The following FBN2 variants were observed in gnomAD, a reference collection of about 807,000 sequenced individuals.
The protein encoded by FBN2 is fibrillin-2.
FBN2 carries 105 observed loss-of-function variants against 355.6 expected under a neutral mutation model. The observed-to-expected ratio is 0.30, with a 90% CI of 0.25 to 0.35. The LOEUF (loss-of-function observed/expected upper bound fraction) is 0.35, where lower values mean the gene tolerates loss of function less well. Among genes scored for constraint, FBN2 ranks in the 10% least tolerant of loss-of-function variants. The pLI is 1.00. For synonymous variants in FBN2, 1,350 were observed against 1,301.2 expected, an observed-to-expected ratio of 1.04 and a Z score of -0.81; for missense variants, 3,280 against 3,758.7, an observed-to-expected ratio of 0.87 and a Z score of 3.33.
chr5:128,315,778 A>G (rs1750184733), intron 36 of FBN2, among the ~76,000 whole-genome samples: 1 of 152,218 alleles, frequency 6.6e-6, no homozygotes, highest in Admixed American at 6.5e-5. Flanking sequence ...CTTGTTACCA[A>G]ATATTGCGGG....
At chr5:128,428,345 C>T (rs549257785) in intron 7 of FBN2, among the ~76,000 whole-genome samples, 6 of 152,268 alleles carry the variant, frequency 3.9e-5, no homozygotes, top group East Asian at 1.9e-4. Context: ...AAGTATGCAC[C>T]GTGGCTGGCA....
intron 5 of FBN2, among the ~76,000 whole-genome samples, chr5:128,488,139 T>C (rs979257111): frequency 4.6e-5 from 7 of 152,190 alleles, no homozygotes; most frequent in Admixed American, 1.3e-4. Flanking sequence ...TCCACGTATC[T>C]TTTGTTGCCA....
At chr5:128,463,197 C>T (rs2127081832) in intron 6 of FBN2, among the ~76,000 whole-genome samples, 1 of 151,870 alleles carries the variant, frequency 6.6e-6, no homozygotes, top group African/African-American at 2.4e-5. Flanking sequence ...TAGTAAAGAC[C>T]ATATGGAGCA....
At chr5:128,349,502 A>C (rs756202124) in intron 22 of FBN2, 30 bp from the exon 23 acceptor site, 3 of 1,611,942 alleles carry the variant, frequency 1.9e-6, no homozygotes, top group Non-Finnish European at 2.5e-6. Context: ...GCAGAGGAGC[A>C]AAGATGTTAC....
chr5:128,459,350 A>G (rs185076133), intron 6 of FBN2, among the ~76,000 whole-genome samples: 2 of 152,334 alleles, frequency 1.3e-5, no homozygotes, highest in Admixed American at 6.5e-5. Context: ...AGACGGATTC[A>G]CAGCTGAATT....
intron 6 of FBN2, among the ~76,000 whole-genome samples, chr5:128,460,029 T>C (rs567581134): frequency 1.9e-4 from 29 of 152,314 alleles, no homozygotes; most frequent in Middle Eastern, 3.4e-3. Context: ...AAATTGTATC[T>C]GTTTGCAGAT....
At chr5:128,375,296 TTAAA>T (rs1304160785) in intron 14 of FBN2, among the ~76,000 whole-genome samples, 23 of 152,348 alleles carry the variant, frequency 1.5e-4, no homozygotes, top group African/African-American at 5.3e-4. Context: ...ACATTTGTAA[TTAAA>T]TAATTAATAA....
intron 63 of FBN2, 135 bp downstream of exon 63, chr5:128,263,290 A>C (rs1405677191): frequency 1.4e-6 from 1 of 726,440 alleles, no homozygotes; most frequent in African/African-American, 1.7e-5. Context: ...ATTTATCTGC[A>C]TACCCGAAGA....
intron 5 of FBN2, among the ~76,000 whole-genome samples, chr5:128,484,795 A>G (rs1004370133): frequency 1.3e-5 from 2 of 152,200 alleles, no homozygotes; most frequent in Admixed American, 1.3e-4. Flanking sequence ...TCAATGCACT[A>G]TTCGGTGGCA....
At chr5:128,319,115 G>A (rs1750295676) in intron 34 of FBN2, 114 bp from the exon 35 acceptor site, 2 of 830,396 alleles carry the variant, frequency 2.4e-6, no homozygotes, top group Admixed American at 4.5e-5. Flanking sequence ...ATTCAGTAAG[G>A]CTTTTTTTTT....
intron 6 of FBN2, among the ~76,000 whole-genome samples, chr5:128,456,613 C>A (rs556255293): frequency 6.6e-6 from 1 of 152,058 alleles, no homozygotes; most frequent in Non-Finnish European, 1.5e-5. Context: ...GCTCTCTAGT[C>A]TCCTTGAGTG....
At chr5:128,379,841 T>G (rs949131992) in intron 11 of FBN2, among the ~76,000 whole-genome samples, 2 of 152,150 alleles carry the variant, frequency 1.3e-5, no homozygotes, top group African/African-American at 4.8e-5. Context: ...ATTTCATATA[T>G]GTGTAGAAGC....
At chr5:128,497,054 T>C (rs1371293358) in intron 5 of FBN2, among the ~76,000 whole-genome samples, 1 of 151,974 alleles carries the variant, frequency 6.6e-6, no homozygotes, top group Non-Finnish European at 1.5e-5. Context: ...AAAATATAAA[T>C]GAAAAGATAT....
intron 6 of FBN2, among the ~76,000 whole-genome samples, chr5:128,448,988 G>T (rs1490698542): frequency 1.3e-5 from 2 of 151,720 alleles, no homozygotes; most frequent in Non-Finnish European, 2.9e-5. Context: ...AAGAATTTTT[G>T]GACTTTAAAT....
chr5:128,338,151 A>G (rs1750896129), intron 26 of FBN2, 29 bp from the exon 27 acceptor site: 1 of 1,611,616 alleles, frequency 6.2e-7, no homozygotes, highest in Non-Finnish European at 8.5e-7. Context: ...AGATCCATTA[A>G]AGAACTCTGA....
chr5:128,330,534 G>T (rs1251143201), intron 33 of FBN2, 39 bp downstream of exon 33: 3 of 1,611,708 alleles, frequency 1.9e-6, no homozygotes, highest in South Asian at 2.2e-5. Flanking sequence ...AGTGTTCTAT[G>T]ACCATCCCGT....
At chr5:128,330,973 T>C (rs1471658836) in intron 32 of FBN2, among the ~76,000 whole-genome samples, 1 of 152,130 alleles carries the variant, frequency 6.6e-6, no homozygotes. Flanking sequence ...CATTCTGACT[T>C]CTACTGAGGG....
At chr5:128,304,260 C>T (rs1162553016) in intron 45 of FBN2, among the ~76,000 whole-genome samples, 4 of 152,186 alleles carry the variant, frequency 2.6e-5, no homozygotes, top group Non-Finnish European at 5.9e-5. Flanking sequence ...TCAGCAGAGG[C>T]AGAGCCAACT....
intron 2 of FBN2, among the ~76,000 whole-genome samples, chr5:128,535,817 C>CAA (rs10676699): frequency 0.19 from 22,303 of 118,242 alleles, 1,693 homozygotes; most frequent in African/African-American, 0.21. Context: ...TTCCAAAAAG[C>CAA]AAAAAAAAAA....
Sources: gnomAD v4.1 joint callset for allele counts (sites outside exome capture counted in the v4.1 genomes callset) on GRCh38, gnomAD v4.1.1 for gene constraint, MANE v1.5 for transcripts, NCBI Gene and HGNC (gene_info 2026-07-23, HGNC 2026-07-21) for gene names.